The following SLC44A5 variants were observed in gnomAD, a reference collection of about 807,000 sequenced individuals.
The protein encoded by SLC44A5 is choline transporter-like protein 5.
SLC44A5 carries 57 observed loss-of-function variants against 101.8 expected under a neutral mutation model. That is an observed-to-expected ratio of 0.56 (90% CI 0.45 to 0.70). The LOEUF is 0.70. Among genes scored for constraint, SLC44A5 ranks in the 30% least tolerant of loss-of-function variants. The pLI, the probability that SLC44A5 is intolerant of heterozygous loss-of-function variation, is 0.00. For missense variants in SLC44A5, 737 were observed against 853.1 expected (o/e 0.86, Z 1.70); for synonymous variants, 281 against 290.9 (o/e 0.97, Z 0.35).
intron 2 of SLC44A5, among the ~76,000 whole-genome samples, chr1:75,470,362 C>T (rs1471089768): frequency 6.6e-6 from 1 of 152,168 alleles, no homozygotes; most frequent in African/African-American, 2.4e-5. Context: ...AAATGTTCCT[C>T]ACGTACTGCC....
chr1:75,605,779 T>G (rs1675287836), intron 1 of SLC44A5, among the ~76,000 whole-genome samples: 1 of 152,096 alleles, frequency 6.6e-6, no homozygotes, highest in African/African-American at 2.4e-5. Flanking sequence ...TTAAAAGCTG[T>G]GTCTCATCTA....
chr1:75,361,947 A>G (rs1659514869), intron 3 of SLC44A5, among the ~76,000 whole-genome samples: 1 of 151,866 alleles, frequency 6.6e-6, no homozygotes, highest in African/African-American at 2.4e-5. Flanking sequence ...TTTATCCCTG[A>G]TCTTAGAGGA....
chr1:75,229,054 T>C (rs950045506), intron 12 of SLC44A5, among the ~76,000 whole-genome samples: 5 of 152,002 alleles, frequency 3.3e-5, no homozygotes, highest in Non-Finnish European at 7.4e-5. Flanking sequence ...ATTTTTGTAT[T>C]ACATCTCATA....
At chr1:75,483,598 C>T (rs1667991569) in intron 2 of SLC44A5, among the ~76,000 whole-genome samples, 1 of 151,822 alleles carries the variant, frequency 6.6e-6, no homozygotes. Flanking sequence ...AGAAATTATT[C>T]TTTATTTAAA....
rs1262903931 is a variant in SLC44A5 at position 75,446,457 on chromosome 1, T to C, written c.14-49836A>G. Among the ~76,000 whole-genome samples, 13 of 152,298 alleles carry C rather than the reference T, an allele frequency of 8.5e-5. No homozygotes were observed. In the East Asian group the frequency reaches 2.3e-3, roughly 27 times the overall value. On this transcript the variant is annotated intron_variant, in intron 2 of 23. Coordinates refer to ENST00000370859, the MANE Select transcript of SLC44A5 (RefSeq NM_001130058.2). ...GAGTCTCTGCCTAAATATCACCTCT[T>C]CGAGCTTACATTTTTATCCAAAAAA...
At chr1:75,519,764 C>G (rs1023912315) in intron 2 of SLC44A5, among the ~76,000 whole-genome samples, 2 of 152,232 alleles carry the variant, frequency 1.3e-5, no homozygotes, top group Non-Finnish European at 2.9e-5. Context: ...AACAACAACT[C>G]TCTAACAACT....
At chr1:75,517,008 T>G (rs1669875087) in intron 2 of SLC44A5, among the ~76,000 whole-genome samples, 1 of 152,170 alleles carries the variant, frequency 6.6e-6, no homozygotes, top group Non-Finnish European at 1.5e-5. Flanking sequence ...AGGTCTTCCT[T>G]CAAAACAATG....
the SLC44A5 span, among the ~76,000 whole-genome samples, chr1:75,679,073 A>G: frequency 6.6e-6 from 1 of 152,178 alleles, no homozygotes; most frequent in Non-Finnish European, 1.5e-5. Flanking sequence ...AAAAGAATAA[A>G]AAGAAAGGAA....
chr1:75,632,017 A>G, the SLC44A5 span, among the ~76,000 whole-genome samples: 3 of 152,234 alleles, frequency 2.0e-5, no homozygotes, highest in East Asian at 5.8e-4. Context: ...CTGACGACAA[A>G]TCATAAGCAC....
intron 2 of SLC44A5, among the ~76,000 whole-genome samples, chr1:75,491,558 T>C (rs1333844916): frequency 1.3e-5 from 2 of 152,242 alleles, no homozygotes; most frequent in South Asian, 2.1e-4. Flanking sequence ...AAATATTGGA[T>C]AAAAATAAAT....
the SLC44A5 span, among the ~76,000 whole-genome samples, chr1:75,616,491 T>A: frequency 6.6e-6 from 1 of 152,206 alleles, no homozygotes; most frequent in Non-Finnish European, 1.5e-5. Context: ...CAGGACGCGC[T>A]GGGCCCAAGA....
chr1:75,244,124 C>G (rs1648901072), intron 7 of SLC44A5, among the ~76,000 whole-genome samples: 1 of 152,040 alleles, frequency 6.6e-6, no homozygotes. Context: ...GCAAACAAAC[C>G]TCTTTTCTTT....
the SLC44A5 span, among the ~76,000 whole-genome samples, chr1:75,627,522 A>AT: frequency 5.9e-5 from 9 of 151,424 alleles, no homozygotes; most frequent in Non-Finnish European, 1.0e-4. Context: ...GTACAAAAAA[A>AT]TTTTTTTTTA....
At chr1:75,535,921 A>G (rs1415558932) in intron 2 of SLC44A5, among the ~76,000 whole-genome samples, 3 of 152,010 alleles carry the variant, frequency 2.0e-5, no homozygotes, top group Non-Finnish European at 1.5e-5. Context: ...CATAATAAAA[A>G]CCCAAGGCCA....
chr1:75,250,936 T>C (rs1165634983), intron 7 of SLC44A5, among the ~76,000 whole-genome samples: 1 of 152,164 alleles, frequency 6.6e-6, no homozygotes, highest in Non-Finnish European at 1.5e-5. Flanking sequence ...AAACTCCATT[T>C]CTCTGGGCTG....
intron 1 of SLC44A5, among the ~76,000 whole-genome samples, chr1:75,571,223 C>A (rs546236763): frequency 2.0e-5 from 3 of 152,076 alleles, no homozygotes; most frequent in African/African-American, 7.2e-5. Flanking sequence ...AGAAAATGAT[C>A]TTAGATTAAA....
the SLC44A5 span, among the ~76,000 whole-genome samples, chr1:75,667,187 A>C: frequency 1.3e-5 from 2 of 152,148 alleles, no homozygotes; most frequent in Admixed American, 6.6e-5. Flanking sequence ...AAACCCCATC[A>C]TCTCAGCCCA....
At chr1:75,608,190 C>CAAAACAA (rs1412309136) in intron 1 of SLC44A5, among the ~76,000 whole-genome samples, 1 of 143,584 alleles carries the variant, frequency 7.0e-6, no homozygotes, top group Non-Finnish European at 1.5e-5. Flanking sequence ...CAAAACAAAA[C>CAAAACAA]AAAACAAAAA....
At chr1:75,345,996 T>C (rs1474917465) in intron 3 of SLC44A5, among the ~76,000 whole-genome samples, 2 of 152,088 alleles carry the variant, frequency 1.3e-5, no homozygotes, top group East Asian at 3.9e-4. Flanking sequence ...GGAATACATT[T>C]GTTGGGGGTG....
Sources: gnomAD v4.1 joint callset for allele counts (sites outside exome capture counted in the v4.1 genomes callset) on GRCh38, gnomAD v4.1.1 for gene constraint, MANE v1.5 for transcripts, NCBI Gene and HGNC (gene_info 2026-07-23, HGNC 2026-07-21) for gene names.